Variants in GEMIN5 observed in about 807,000 individuals in gnomAD.
The protein encoded by GEMIN5 is gem nuclear organelle associated protein 5.
Under a neutral mutation model 176.9 loss-of-function variants are expected in GEMIN5, and 124 were observed. That is an observed-to-expected ratio of 0.70 (90% CI 0.61 to 0.81). The LOEUF (loss-of-function observed/expected upper bound fraction) is 0.81. GEMIN5 is among the 40% of genes least tolerant of loss of function. The probability of loss-of-function intolerance (pLI) is 0.00; values close to 1 mark genes in which losing one functional copy is unlikely to be tolerated. For synonymous variants in GEMIN5, 673 were observed against 665.2 expected (o/e 1.01, Z -0.18); for missense variants, 1,843 against 1,814.6 (o/e 1.02, Z -0.28).
rs972000641 is a variant in GEMIN5 at position 154,894,194 on chromosome 5, G to A, written c.3598-1645C>T. Among the ~76,000 whole-genome samples the A allele has an allele frequency of 1.5e-4, 23 of 152,030 alleles. No homozygotes were observed. The East Asian group carries it at 3.5e-3, about 23-fold the overall frequency. On this transcript the variant is annotated intron_variant, in intron 24 of 27. Coordinates refer to ENST00000285873, the MANE Select transcript of GEMIN5 (RefSeq NM_015465.5). ...TCCTGAGCTCAAGCGATCCACCCGC[G>A]TTGGCCTCCCAAAGTGCTGGGATTA... is the stretch of plus-strand genomic sequence containing the variant.
rs199930435 is a variant in GEMIN5 at position 154,907,788 on chromosome 5, C to T, written c.2198G>A (p.Arg733Gln). 5.3e-5 allele frequency: 85 copies of T among 1,613,426 alleles called. No individual in the cohort carries two copies. Among genetic ancestry groups the T allele is most frequent in the Non-Finnish European group, 6.7e-5 (79 of 1,179,880 alleles). Residue 733 changes from arginine (R) to glutamine (Q), a missense_variant, in exon 16 of 28, where the codon CGG becomes CAG. Physicochemically the swap from Arg to Gln is conservative, Grantham distance 43. Coordinates refer to ENST00000285873, the MANE Select transcript of GEMIN5 (RefSeq NM_015465.5). The part of the protein sequence containing the change: ...GKKSIELEKK[R>Q]LSQPKAKPKK... ...GGGCTTTGCCTTAGGTTGAGAGAGC[C>T]GTTTTTTCTCCAATTCAATACTTTT...
At chr5:154,901,935 G>A (rs1231788834) in intron 20 of GEMIN5, among the ~76,000 whole-genome samples, 1 of 152,076 alleles carries the variant, frequency 6.6e-6, no homozygotes, top group Non-Finnish European at 1.5e-5. Flanking sequence ...CGAGTAGCGG[G>A]GACTACAGGT....
chr5:154,926,169 G>A (rs2113504185), intron 7 of GEMIN5, 95 bp from the exon 8 acceptor site: 1 of 736,656 alleles, frequency 1.4e-6, no homozygotes, highest in Non-Finnish European at 2.3e-6. Flanking sequence ...TCAAAGACTG[G>A]GTAAGGATAA....
chr5:154,916,880 G>T (rs1763820603), intron 13 of GEMIN5, 118 bp downstream of exon 13: 8 of 502,762 alleles, frequency 1.6e-5, no homozygotes, highest in Non-Finnish European at 3.4e-6. Context: ...AGAAAAAGTA[G>T]TAAGAATAAT....
chr5:154,925,903 C>T lies in GEMIN5; in HGVS notation c.1252G>A (p.Val418Met). ...NTLSIKNNYD[V>M]KNFWQGVKSK... Reference sequence around the variant, plus strand: ...TTCACGCCTTGCCAAAAATTTTTCACATCATAGTTGTTCTTTATGGAGAGT... The same window carrying T: ...TTCACGCCTTGCCAAAAATTTTTCATATCATAGTTGTTCTTTATGGAGAGT... Residue 418 changes from valine (V) to methionine (M), a missense_variant, in exon 8 of 28, where the codon GTG becomes ATG. Transcript: ENST00000285873. 1.9e-6 allele frequency: 3 copies of T among 1,613,912 alleles called. No homozygotes were observed. Among genetic ancestry groups the T allele is most frequent in the South Asian group, 2.2e-5 (2 of 91,074 alleles).
intron 9 of GEMIN5, among the ~76,000 whole-genome samples, chr5:154,924,217 T>G (rs1763981391): frequency 6.6e-6 from 1 of 152,176 alleles, no homozygotes; most frequent in Non-Finnish European, 1.5e-5. Flanking sequence ...ACTACTGTAG[T>G]GGAGAATGTA....
Position 154,907,782 on chromosome 5 carries a change from G to A in GEMIN5, c.2204C>T (p.Ser735Phe), listed in dbSNP as rs1763601316. The change falls in exon 16 of 28, where the codon TCT (serine) becomes TTT (phenylalanine). Residue 735 changes from serine to phenylalanine, a missense_variant. Physicochemically the swap from Ser to Phe is radical, Grantham distance 155 (BLOSUM62 -2). Coordinates refer to ENST00000285873, the MANE Select transcript of GEMIN5 (RefSeq NM_015465.5). ...KSIELEKKRL[S>F]QPKAKPKKKK... Reference sequence around the variant, plus strand: ...CTTTTTGGGCTTTGCCTTAGGTTGAGAGAGCCGTTTTTTCTCCAATTCAAT... The same window carrying A: ...CTTTTTGGGCTTTGCCTTAGGTTGAAAGAGCCGTTTTTTCTCCAATTCAAT... 1.2e-6 allele frequency: 2 copies of A among 1,613,872 alleles called. No individual in the cohort carries two copies. The highest frequency in any genetic ancestry group is 2.7e-5 in the African/African-American group (2 of 74,954).
chr5:154,888,376 G>A lies in GEMIN5; in HGVS notation c.4361C>T (p.Ala1454Val). ...RMAKFPESIK[A>V]WPFPDVLECC... ...CTCCAGCACATCTGGGAAGGGCCAGGCCTGAAAGACGATGACATGAGGATG... is the reference window on the plus strand; with the variant it reads ...CTCCAGCACATCTGGGAAGGGCCAGACCTGAAAGACGATGACATGAGGATG... Residue 1454 changes from alanine (A) to valine (V), a missense_variant and splice_region_variant, in exon 28 of 28, where the codon GCC becomes GTC. Coordinates refer to ENST00000285873, the MANE Select transcript of GEMIN5 (RefSeq NM_015465.5). 2 of 1,612,342 alleles carry A rather than the reference G, an allele frequency of 1.2e-6. No individual in the cohort carries two copies. Among genetic ancestry groups the A allele is most frequent in the Non-Finnish European group, 8.5e-7 (1 of 1,179,216 alleles).
intron 21 of GEMIN5, among the ~76,000 whole-genome samples, chr5:154,900,213 A>G (rs1377170444): frequency 6.6e-6 from 1 of 152,234 alleles, no homozygotes; most frequent in African/African-American, 2.4e-5. Context: ...ATAATAAGAT[A>G]TGTTAACATT....
chr5:154,928,709 T>C, intron 5 of GEMIN5, 50 bp from the exon 6 acceptor site: 7 of 1,577,046 alleles, frequency 4.4e-6, no homozygotes, highest in East Asian at 4.5e-5. Flanking sequence ...TGAAACTACA[T>C]GCATGAAGTC....
At chr5:154,936,922 A>T (rs1173047224) in intron 2 of GEMIN5, 103 bp downstream of exon 2, 11 of 832,538 alleles carry the variant, frequency 1.3e-5, no homozygotes, top group Admixed American at 9.9e-5. Flanking sequence ...GAACACAATT[A>T]CAAGTTACTT....
chr5:154,900,659 G>A (rs1487234704), intron 21 of GEMIN5, among the ~76,000 whole-genome samples: 1 of 152,160 alleles, frequency 6.6e-6, no homozygotes, highest in Non-Finnish European at 1.5e-5. Flanking sequence ...CTAGGAAGGA[G>A]GAAGCTGTCC....
intron 19 of GEMIN5, 129 bp downstream of exon 19, chr5:154,902,951 A>C (rs1465676405): frequency 1.5e-6 from 1 of 686,088 alleles, no homozygotes; most frequent in Non-Finnish European, 2.5e-6. Context: ...AGGGAGCTCA[A>C]AACCTAGTTA....
Position 154,938,183 on chromosome 5 carries a change from A to T in GEMIN5, c.-50T>A. The T allele has an allele frequency of 7.7e-7, 1 of 1,303,262 alleles. No individual in the cohort carries two copies. The highest frequency in any genetic ancestry group is 9.9e-7 in the Non-Finnish European group (1 of 1,013,328). The allele number at this position is 1,303,262 out of a possible 1,614,324, so 80.7% of individuals were successfully genotyped here. On this transcript the variant is annotated 5_prime_UTR_variant, in exon 1 of 28. Coordinates refer to ENST00000285873, the MANE Select transcript of GEMIN5 (RefSeq NM_015465.5). Reference sequence around the variant, plus strand: ...GAAGCTGCCACAGCCGACCGCTCGTAGCCTCACGCCTTAGGTAGGGAGCGG... The same window carrying T: ...GAAGCTGCCACAGCCGACCGCTCGTTGCCTCACGCCTTAGGTAGGGAGCGG...
At chr5:154,893,097 AAAAC>A (rs144711443) in intron 24 of GEMIN5, among the ~76,000 whole-genome samples, 12 of 151,476 alleles carry the variant, frequency 7.9e-5, no homozygotes, top group Admixed American at 3.3e-4. Context: ...ACTCCCTCTC[AAAAC>A]AAACAAACAA....
chr5:154,888,889 GCT>G, intron 27 of GEMIN5, among the ~76,000 whole-genome samples: 1 of 150,478 alleles, frequency 6.6e-6, no homozygotes, highest in East Asian at 1.9e-4. Flanking sequence ...ACAGAGTCTC[GCT>G]CTGTTGCCCA....
At chr5:154,899,128 G>T in intron 22 of GEMIN5, 63 bp downstream of exon 22, 3 of 1,496,046 alleles carry the variant, frequency 2.0e-6, no homozygotes, top group Middle Eastern at 1.8e-4. Context: ...TTGTATTCTT[G>T]TCCTCCCCTT....
At chr5:154,921,208 C>T (rs1763913825) in intron 10 of GEMIN5, 135 bp downstream of exon 10, 3 of 611,332 alleles carry the variant, frequency 4.9e-6, no homozygotes, top group Admixed American at 3.2e-5. Flanking sequence ...CTTCATGAAC[C>T]CCTGGGGACA....
Position 154,928,570 on chromosome 5 carries a change from A to G in GEMIN5, c.871T>C (p.Trp291Arg). The G allele has an allele frequency of 6.2e-7, 1 of 1,614,046 alleles. No individual in the cohort carries two copies. The highest frequency in any genetic ancestry group is 8.5e-7 in the Non-Finnish European group (1 of 1,179,860). ...AGCTGTGTTGGTTGATTGCTGGGCC[A>G]ATGGAGTGTCAACCAAAGGCGCTCT... is the stretch of plus-strand genomic sequence containing the variant. ...VKERLWLTLH[W>R]PSNQPTQLVS... The change falls in exon 6 of 28, where the codon TGG (tryptophan) becomes CGG (arginine). Residue 291 changes from tryptophan to arginine, a missense_variant. Physicochemically the swap from Trp to Arg is moderately radical, Grantham distance 101. Coordinates refer to ENST00000285873, the MANE Select transcript of GEMIN5 (RefSeq NM_015465.5).
Sources: allele counts gnomAD v4.1 joint callset (sites outside exome capture counted in the v4.1 genomes callset), GRCh38; gene constraint gnomAD v4.1.1; transcripts MANE v1.5; gene names NCBI Gene and HGNC (gene_info 2026-07-23, HGNC 2026-07-21).